CSTF3: variants seen among roughly 807,000 people sequenced by gnomAD.
The protein encoded by CSTF3 is cleavage stimulation factor subunit 3, also known as CF-1 77 kDa subunit.
A neutral mutation model predicts 105.8 loss-of-function variants in CSTF3; 29 were observed. That is an observed-to-expected ratio of 0.27 (90% CI 0.20 to 0.37). The LOEUF (loss-of-function observed/expected upper bound fraction) is 0.37, where lower values mean the gene tolerates loss of function less well. Among genes scored for constraint, CSTF3 ranks in the 10% least tolerant of loss-of-function variants. The pLI, the probability that CSTF3 is intolerant of heterozygous loss-of-function variation, is 1.00. For synonymous variants in CSTF3, 252 were observed against 281.9 expected, an observed-to-expected ratio of 0.89 and a Z score of 1.06; for missense variants, 357 against 879.3, an observed-to-expected ratio of 0.41 and a Z score of 7.51.
At chr11:33,126,984 G>C (rs1855549689) in intron 3 of CSTF3, among the ~76,000 whole-genome samples, 2 of 152,186 alleles carry the variant, frequency 1.3e-5, no homozygotes, top group South Asian at 4.1e-4. Flanking sequence ...TCAATGAGAA[G>C]TTAACATTTT....
rs186276177 is a variant in CSTF3, at chr11:33,161,215, C to T, written c.27+84G>A. 1.4e-5 allele frequency: 21 copies of T among 1,515,238 alleles called. No individual in the cohort carries two copies. The East Asian group carries it at 3.8e-4, about 28-fold the overall frequency. The allele number at this position is 1,515,238 out of a possible 1,614,324, so 93.9% of individuals were successfully genotyped here. ...CCGGGTTCACTAGACCCAATTCCTT[C>T]CTCAGCCGAACATGTCTGGAGCAGT... On this transcript the variant is annotated intron_variant, in intron 1 of 20. Coordinates refer to ENST00000323959, the MANE Select transcript of CSTF3 (RefSeq NM_001326.3).
chr11:33,131,358 A>C (rs1372482430), intron 3 of CSTF3, among the ~76,000 whole-genome samples: 1 of 152,214 alleles, frequency 6.6e-6, no homozygotes, highest in Non-Finnish European at 1.5e-5. Context: ...ATATTGATAG[A>C]CCTAATACTG....
chr11:33,153,400 A>C (rs969472068), intron 1 of CSTF3, among the ~76,000 whole-genome samples: 1 of 152,176 alleles, frequency 6.6e-6, no homozygotes, highest in African/African-American at 2.4e-5. Flanking sequence ...ATATGAGCTC[A>C]TAACTTTTAT....
At chr11:33,120,994 T>C (rs573415236) in intron 3 of CSTF3, among the ~76,000 whole-genome samples, 1 of 152,166 alleles carries the variant, frequency 6.6e-6, no homozygotes, top group African/African-American at 2.4e-5. Flanking sequence ...AGCTCTAATA[T>C]GGATTTTGAA....
rs542952734 is a variant in CSTF3 at position 33,127,691 on chromosome 11, G to A, written c.225+13976C>T. Among the ~76,000 whole-genome samples the A allele has an allele frequency of 3.3e-5, 5 of 152,220 alleles. No individual in the cohort carries two copies. The South Asian group carries it at 1.0e-3, about 32-fold the overall frequency. Reference sequence around the variant, plus strand: ...CGCCCAGGCTAGAGTGCAATGGCGCGATGTTTTTGGGTTTTGAGAGATGTT... The same window carrying A: ...CGCCCAGGCTAGAGTGCAATGGCGCAATGTTTTTGGGTTTTGAGAGATGTT... On this transcript the variant is annotated intron_variant, in intron 3 of 20. Coordinates refer to ENST00000323959, the MANE Select transcript of CSTF3 (RefSeq NM_001326.3).
At chr11:33,089,344 CAAAA>C (rs71034649) in intron 17 of CSTF3, among the ~76,000 whole-genome samples, 1 of 123,990 alleles carries the variant, frequency 8.1e-6, no homozygotes, top group Non-Finnish European at 1.7e-5. Flanking sequence ...GAGACCATCT[CAAAA>C]AAAAAAAAAA....
At chr11:33,126,480 T>C (rs181594298) in intron 3 of CSTF3, among the ~76,000 whole-genome samples, 37 of 152,250 alleles carry the variant, frequency 2.4e-4, no homozygotes, top group Admixed American at 2.3e-3. Context: ...CTTTCTCTTA[T>C]GTTATACATC....
At chr11:33,133,770 A>G (rs2133794147) in intron 3 of CSTF3, among the ~76,000 whole-genome samples, 1 of 152,344 alleles carries the variant, frequency 6.6e-6, no homozygotes, top group East Asian at 1.9e-4. Flanking sequence ...AGATCACGCC[A>G]CTGCACTCAA....
At chr11:33,140,885 G>T (rs1028054910) in intron 3 of CSTF3, 1 of 151,916 alleles carries the variant, frequency 6.6e-6, no homozygotes, top group Non-Finnish European at 1.5e-5. Context: ...TTAATAACCT[G>T]AAAATGACTA....
chr11:33,143,559 G>T lies in CSTF3; in HGVS notation c.28-1573C>A, dbSNP rs1328006375. Among the ~76,000 whole-genome samples, 3 of 152,054 alleles carry T rather than the reference G, an allele frequency of 2.0e-5. No homozygotes were observed. The South Asian group carries it at 6.2e-4, about 32-fold the overall frequency. Reference sequence around the variant, plus strand: ...GCGGCCAGGAGTTCAAGACCAGCCAGGCTAACATGTTGAAACCCAGTCTCT... The same window carrying T: ...GCGGCCAGGAGTTCAAGACCAGCCATGCTAACATGTTGAAACCCAGTCTCT... On this transcript the variant is annotated intron_variant, in intron 1 of 20. Transcript: ENST00000323959.
Position 33,108,199 on chromosome 11 carries a change from C to T in CSTF3, c.258+187G>A, listed in dbSNP as rs150634653. On this transcript the variant is annotated intron_variant, in intron 4 of 20. Coordinates refer to ENST00000323959, the MANE Select transcript of CSTF3 (RefSeq NM_001326.3). ...TTTGTCAGGGGAGTATAATTATTTT[C>T]TTTTCCTTTTCCAAAACTTTTATGA... Among the ~76,000 whole-genome samples the T allele has an allele frequency of 1.6e-3, 242 of 152,082 alleles. 1 individual carries two copies. The highest frequency in any genetic ancestry group is 0.012 in the Admixed American group (180 of 15,272).
intron 3 of CSTF3, among the ~76,000 whole-genome samples, chr11:33,139,964 G>A (rs1482345921): frequency 6.6e-6 from 1 of 151,962 alleles, no homozygotes; most frequent in Admixed American, 6.6e-5. Flanking sequence ...TGTGTTCAGA[G>A]TTACAGAATG....
chr11:33,130,336 G>C (rs547013020), intron 3 of CSTF3, among the ~76,000 whole-genome samples: 1 of 152,182 alleles, frequency 6.6e-6, no homozygotes, highest in African/African-American at 2.4e-5. Flanking sequence ...AGCCAGGTGT[G>C]GTGATGGGCG....
chr11:33,127,866 G>T (rs954500212), intron 3 of CSTF3, among the ~76,000 whole-genome samples: 1 of 152,108 alleles, frequency 6.6e-6, no homozygotes, highest in African/African-American at 2.4e-5. Flanking sequence ...AAAATAAGTA[G>T]TATCTCTTAA....
chr11:33,148,453 T>C (rs944153472), intron 1 of CSTF3, among the ~76,000 whole-genome samples: 1 of 152,164 alleles, frequency 6.6e-6, no homozygotes, highest in East Asian at 1.9e-4. Flanking sequence ...TCCCAGCATT[T>C]TGGGAGGCCA....
intron 1 of CSTF3, among the ~76,000 whole-genome samples, chr11:33,142,851 T>C (rs939175000): frequency 6.6e-6 from 1 of 152,242 alleles, no homozygotes; most frequent in African/African-American, 2.4e-5. Context: ...CATCTGCTTC[T>C]GTATTCAATC....
intron 1 of CSTF3, among the ~76,000 whole-genome samples, chr11:33,150,219 T>TAAAAAAAAAAAAAAAAA (rs10714096): frequency 2.4e-4 from 25 of 104,388 alleles, no homozygotes; most frequent in Non-Finnish European, 3.5e-4. Context: ...TGTCTCAAAC[T>TAAAAAAAAAAAAAAAAA]AAAAAAAAAA....
At chr11:33,089,320 C>G (rs1038529892) in intron 17 of CSTF3, among the ~76,000 whole-genome samples, 2 of 147,168 alleles carry the variant, frequency 1.4e-5, no homozygotes, top group Non-Finnish European at 3.0e-5. Flanking sequence ...GCACTCCAGC[C>G]TGGGCAACAG....
At chr11:33,142,981 T>C (rs529364038) in intron 1 of CSTF3, among the ~76,000 whole-genome samples, 138 of 152,262 alleles carry the variant, frequency 9.1e-4, no homozygotes, top group African/African-American at 3.2e-3. Flanking sequence ...AAGTCACAGA[T>C]CCTCTGAAAG....
Sources: allele counts gnomAD v4.1 joint callset (sites outside exome capture counted in the v4.1 genomes callset), GRCh38; gene constraint gnomAD v4.1.1; transcripts MANE v1.5; gene names NCBI Gene and HGNC (gene_info 2026-07-23, HGNC 2026-07-21).